HMGB1: variants seen among roughly 807,000 people sequenced by gnomAD.
HMGB1 encodes high mobility group protein B1.
For missense variants in HMGB1, 79 were observed against 253.5 expected, an observed-to-expected ratio of 0.31 and a Z score of 4.67; for synonymous variants, 81 against 84.0, an observed-to-expected ratio of 0.96 and a Z score of 0.19.
At chr13:30,498,110 G>T (rs942286337) in intron 1 of HMGB1, among the ~76,000 whole-genome samples, 1 of 152,096 alleles carries the variant, frequency 6.6e-6, no homozygotes, top group Non-Finnish European at 1.5e-5. Flanking sequence ...CCACAACCTC[G>T]CAAGCATCTG....
At chr13:30,583,371 A>G (rs1426820384) in intron 1 of HMGB1, among the ~76,000 whole-genome samples, 4 of 151,944 alleles carry the variant, frequency 2.6e-5, no homozygotes, top group Non-Finnish European at 5.9e-5. Flanking sequence ...CATCTCTACA[A>G]AAAATACAAG....
At chr13:30,464,169 G>T (rs1047714444) in intron 1 of HMGB1, 46 of 984,074 alleles carry the variant, frequency 4.7e-5, no homozygotes, top group Non-Finnish European at 5.5e-5. Context: ...ACCGTGCACC[G>T]AAAGTTTCAA....
chr13:30,518,175 TA>T (rs5802571), intron 1 of HMGB1, among the ~76,000 whole-genome samples: 2 of 151,332 alleles, frequency 1.3e-5, no homozygotes, highest in African/African-American at 2.4e-5. Flanking sequence ...CTACTAAAAA[TA>T]AAAATAAAAA....
At chr13:30,554,129 T>C (rs1869563890) in intron 1 of HMGB1, 1 of 1,252,640 alleles carries the variant, frequency 8.0e-7, no homozygotes, top group Non-Finnish European at 1.2e-6. Context: ...GAAGTCATAT[T>C]ACACAGTACA....
intron 1 of HMGB1, among the ~76,000 whole-genome samples, chr13:30,576,397 T>C (rs1019109216): frequency 2.6e-5 from 4 of 152,116 alleles, no homozygotes. Flanking sequence ...TAAAAAGCTA[T>C]GATTCTAAGC....
chr13:30,552,902 G>A (rs1450285475), intron 1 of HMGB1, among the ~76,000 whole-genome samples: 2 of 152,190 alleles, frequency 1.3e-5, no homozygotes. Context: ...CACAGCACCT[G>A]CTTTTGGCCT....
At chr13:30,533,394 T>A (rs1888540528) in intron 1 of HMGB1, among the ~76,000 whole-genome samples, 1 of 152,198 alleles carries the variant, frequency 6.6e-6, no homozygotes, top group East Asian at 1.9e-4. Context: ...AGACAGAGTC[T>A]CACTCTGTCA....
intron 1 of HMGB1, chr13:30,464,644 C>A (rs1363172559): frequency 1.0e-6 from 1 of 983,814 alleles, no homozygotes; most frequent in Non-Finnish European, 1.2e-6. Context: ...GAAATGGGGG[C>A]TGGCTCCGCC....
intron 1 of HMGB1, among the ~76,000 whole-genome samples, chr13:30,612,613 A>G (rs543034821): frequency 6.6e-5 from 10 of 152,382 alleles, no homozygotes; most frequent in African/African-American, 2.4e-4. Context: ...GCTAAATTAA[A>G]TGATGGCATG....
rs1319520577 is a variant in HMGB1 at position 30,559,120 on chromosome 13, T to G, written c.-15+57551A>C. Among the ~76,000 whole-genome samples the G allele has an allele frequency of 1.3e-5, 2 of 152,000 alleles. No homozygotes were observed. The highest frequency in any genetic ancestry group is 2.9e-5 in the Non-Finnish European group (2 of 67,996). On this transcript the variant is annotated intron_variant, in intron 1 of 4. Coordinates refer to the HMGB1 transcript ENST00000405805. The surrounding 1 kb of genome is among the most constrained non-coding windows in gnomAD (Gnocchi z 6.6). ...GAGGACTTCTCTAGAAATAGGTGAG[T>G]CTGTTTCTTACATTGCCAAATGTAC... is the stretch of plus-strand genomic sequence containing the variant.
In HMGB1 at chr13:30,461,390, ATCT is replaced by A. The variant is rs757015888; in HGVS notation, c.612_614del (p.Glu204del). The A allele has an allele frequency of 5.0e-4, 783 of 1,567,232 alleles. 1 individual carries two copies. Among genetic ancestry groups the A allele is most frequent in the East Asian group, 1.6e-3 (72 of 44,630 alleles). On this transcript the variant is annotated inframe_deletion, in exon 5 of 5. Transcript: ENST00000341423. ...CATCATCATCTTCTTCTTCATCTTC[ATCT>A]TCTTCATCTTCCTCCTCCTCCTCAT...
At chr13:30,567,084 G>A (rs746348620) in intron 1 of HMGB1, among the ~76,000 whole-genome samples, 7 of 152,098 alleles carry the variant, frequency 4.6e-5, no homozygotes, top group African/African-American at 1.7e-4. Flanking sequence ...GGATTTTCTC[G>A]AGCTAACTAC....
chr13:30,478,262 G>C (rs896455285), intron 1 of HMGB1, among the ~76,000 whole-genome samples: 2 of 152,260 alleles, frequency 1.3e-5, no homozygotes, highest in East Asian at 3.9e-4. Context: ...ACTTGGGCCC[G>C]GGAGTTCAAG....
intron 1 of HMGB1, chr13:30,464,107 G>A (rs540249056): frequency 7.1e-6 from 7 of 985,188 alleles, no homozygotes; most frequent in Admixed American, 6.2e-5. Flanking sequence ...AATAAACAAG[G>A]GCCTAAGCGA....
Position 30,459,123 on chromosome 13 carries a change from T to G in HMGB1, c.*2234A>C, listed in dbSNP as rs552300043. The G allele has an allele frequency of 1.3e-5, 2 of 152,098 alleles. No homozygotes were observed. The highest frequency in any genetic ancestry group is 2.9e-5 in the Non-Finnish European group (2 of 67,938). 9.4% of individuals were successfully genotyped at this position (152,098 alleles called of 1,614,324 possible). ...CACTGTAACTATCTTGGCATTAAAA[T>G]AGTTTCTATACACTTTCTAAAAAAA... is the stretch of plus-strand genomic sequence containing the variant. On this transcript the variant is annotated 3_prime_UTR_variant, in exon 5 of 5. Coordinates refer to ENST00000341423, the MANE Select transcript of HMGB1 (RefSeq NM_002128.7).
At chr13:30,606,590 A>G (rs1950460964) in intron 1 of HMGB1, among the ~76,000 whole-genome samples, 1 of 152,230 alleles carries the variant, frequency 6.6e-6, no homozygotes, top group Admixed American at 6.5e-5. Context: ...ATATGCCTAC[A>G]TGACTGGAAA....
intron 1 of HMGB1, among the ~76,000 whole-genome samples, chr13:30,538,786 T>TC (rs1213523009): frequency 5.3e-4 from 25 of 47,248 alleles, no homozygotes; most frequent in Middle Eastern, 0.012. Flanking sequence ...TCCTTCTTTC[T>TC]TTTTCTTTCT....
At chr13:30,499,343 T>G (rs959593360) in intron 1 of HMGB1, among the ~76,000 whole-genome samples, 1 of 152,208 alleles carries the variant, frequency 6.6e-6, no homozygotes, top group Admixed American at 6.5e-5. Flanking sequence ...TAACTACAAC[T>G]GAATGATAGG....
chr13:30,564,115 G>T (rs1870079892), intron 1 of HMGB1, among the ~76,000 whole-genome samples: 1 of 151,924 alleles, frequency 6.6e-6, no homozygotes, highest in East Asian at 1.9e-4. Flanking sequence ...GTGGACAAAT[G>T]ATCAGTTATA....
Sources: gnomAD v4.1 joint callset for allele counts (sites outside exome capture counted in the v4.1 genomes callset) on GRCh38, gnomAD v4.1.1 for gene constraint, Gnocchi (gnomAD v3.1) non-coding constraint, MANE v1.5 for transcripts, NCBI Gene and HGNC (gene_info 2026-07-23, HGNC 2026-07-21) for gene names.